FNBP1: variants seen among roughly 807,000 people sequenced by gnomAD.
FNBP1 encodes the protein formin binding protein 1.
Under a neutral mutation model 90.6 loss-of-function variants are expected in FNBP1, and 26 were observed. That is an observed-to-expected ratio of 0.29 (90% CI 0.21 to 0.40). FNBP1 has a LOEUF of 0.40. FNBP1 is among the 10% of genes least tolerant of loss of function. The pLI is 1.00. For missense variants in FNBP1, 635 were observed against 768.0 expected (o/e 0.83, Z 2.05); for synonymous variants, 260 against 265.2 (o/e 0.98, Z 0.19).
At chr9:129,983,987 T>G (rs1220963573) in intron 2 of FNBP1, among the ~76,000 whole-genome samples, 2 of 151,984 alleles carry the variant, frequency 1.3e-5, no homozygotes, top group East Asian at 3.9e-4. Context: ...AAAGAAAAAA[T>G]AAACATTCTT....
At chr9:130,034,312 C>CAAAAA (rs3055753) in intron 1 of FNBP1, among the ~76,000 whole-genome samples, 1 of 118,404 alleles carries the variant, frequency 8.4e-6, no homozygotes, top group African/African-American at 3.2e-5. Context: ...GACTCCATCT[C>CAAAAA]AAAAAAAAAA....
chr9:130,035,958 A>G (rs1471592462), intron 1 of FNBP1, among the ~76,000 whole-genome samples: 1 of 152,100 alleles, frequency 6.6e-6, no homozygotes, highest in African/African-American at 2.4e-5. Context: ...AAAAACAAAC[A>G]AACAAAAACT....
At chr9:130,039,873 A>C (rs1468958207) in intron 1 of FNBP1, among the ~76,000 whole-genome samples, 1 of 152,146 alleles carries the variant, frequency 6.6e-6, no homozygotes, top group Non-Finnish European at 1.5e-5. Context: ...CCTAAAATGT[A>C]TGTAAAATCT....
At position 129,957,034 on chromosome 9, in the gene FNBP1, T is replaced by C. The variant is rs2047048907; in HGVS notation, c.513+326A>G. Among the ~76,000 whole-genome samples, 1 of 90,508 alleles carries C rather than the reference T, an allele frequency of 1.1e-5. No individual in the cohort carries two copies. Among genetic ancestry groups the C allele is most frequent in the Non-Finnish European group, 2.1e-5 (1 of 47,744 alleles). The allele number at this position is 90,508 out of a possible 152,430, so 59.4% of individuals were successfully genotyped here. On this transcript the variant is annotated intron_variant, in intron 6 of 16. Coordinates refer to ENST00000446176, the MANE Select transcript of FNBP1 (RefSeq NM_015033.3). The surrounding 1 kb of genome is among the most constrained non-coding windows in gnomAD (Gnocchi z 4.3). ...GGAAATGAAAGACACACTTGAGCTT[T>C]CTTTTGTCTTTTTTTTTTTTTGGCG...
chr9:130,050,697 TA>T, the FNBP1 span, among the ~76,000 whole-genome samples: 1 of 150,612 alleles, frequency 6.6e-6, no homozygotes, highest in African/African-American at 2.4e-5. Context: ...CCAAGCTGGA[TA>T]AAAGTGTCAT....
In FNBP1 at chr9:129,916,616, C is replaced by CA. The variant is rs146793521; in HGVS notation, c.1171-637dup. Among the ~76,000 whole-genome samples, 1,178 of 119,364 alleles carry CA rather than the reference C, an allele frequency of 9.9e-3. 12 individuals are homozygous for CA. Among genetic ancestry groups the CA allele is most frequent in the African/African-American group, 0.028 (906 of 32,182 alleles). The allele number at this position is 119,364 out of a possible 152,430, so 78.3% of individuals were successfully genotyped here. A position where few individuals can be genotyped will look rare whatever the true frequency, so the allele number is the denominator to read the frequency against. On this transcript the variant is annotated intron_variant, in intron 10 of 16. Transcript: ENST00000446176. Reference sequence around the variant, plus strand: ...GGGCAACAAGAGTGAAACTCCATCTCAAAAAAAAAACAAAAAAAAAAGAAA... The same window carrying CA: ...GGGCAACAAGAGTGAAACTCCATCTCAAAAAAAAAAACAAAAAAAAAAGAAA...
chr9:129,968,890 G>C (rs1217886631), intron 4 of FNBP1, among the ~76,000 whole-genome samples: 1 of 152,106 alleles, frequency 6.6e-6, no homozygotes, highest in Non-Finnish European at 1.5e-5. Context: ...CCACCTGCAG[G>C]GAGAAGTTTT....
At chr9:129,974,332 A>G (rs969188537) in intron 4 of FNBP1, among the ~76,000 whole-genome samples, 1 of 152,054 alleles carries the variant, frequency 6.6e-6, no homozygotes, top group Non-Finnish European at 1.5e-5. Context: ...TCCAGGGTCC[A>G]TATCTTGGGT....
intron 7 of FNBP1, among the ~76,000 whole-genome samples, chr9:129,928,315 T>C (rs1374689715): frequency 6.6e-6 from 1 of 152,216 alleles, no homozygotes; most frequent in Non-Finnish European, 1.5e-5. Flanking sequence ...GGCATTTTTA[T>C]AACCACAATC....
In FNBP1 at chr9:129,890,214, G is replaced by GAA; in HGVS notation, c.*324_*325insTT. ...CGGAAGGGCTGCCAGGACGAGCCCGGGTGGACTGAGGGCCCAGGAAGGAGC... is the reference window on the plus strand; with the variant it reads ...CGGAAGGGCTGCCAGGACGAGCCCGGAAGTGGACTGAGGGCCCAGGAAGGAGC... On this transcript the variant is annotated 3_prime_UTR_variant, in exon 17 of 17. Transcript: ENST00000446176. The surrounding 1 kb of genome is among the most constrained non-coding windows in gnomAD (Gnocchi z 5.8). 1 of 463,502 alleles carries GAA rather than the reference G, an allele frequency of 2.2e-6. No individual in the cohort carries two copies. The highest frequency in any genetic ancestry group is 3.9e-6 in the Non-Finnish European group (1 of 259,650). The allele number at this position is 463,502 out of a possible 1,614,324, so 28.7% of individuals were successfully genotyped here.
the FNBP1 span, among the ~76,000 whole-genome samples, chr9:130,052,454 A>G: frequency 6.6e-6 from 1 of 151,920 alleles, no homozygotes; most frequent in Non-Finnish European, 1.5e-5. Flanking sequence ...TTTTATTGAG[A>G]CAGAGTCTCA....
In FNBP1 at chr9:129,983,089, T is replaced by C. The variant is rs1375638624; in HGVS notation, c.141-3715A>G. On this transcript the variant is annotated intron_variant, in intron 2 of 16. Coordinates refer to ENST00000446176, the MANE Select transcript of FNBP1 (RefSeq NM_015033.3). ...AAATGTTAAATCCACATTTTCTTTG[T>C]AGCCTCCTTTCAGTCCTTAGCAGCC... is the stretch of plus-strand genomic sequence containing the variant. 2.0e-5 allele frequency among the ~76,000 whole-genome samples: 3 copies of C among 152,240 alleles called. No homozygotes were observed. In the East Asian group the frequency reaches 5.8e-4, roughly 29 times the overall value.
intron 11 of FNBP1, among the ~76,000 whole-genome samples, chr9:129,910,504 A>AAAGAG (rs1298095363): frequency 1.2e-4 from 12 of 104,112 alleles, no homozygotes; most frequent in South Asian, 3.3e-4. Context: ...AAAAAAAAAA[A>AAAGAG]AGAGAGAGAG....
chr9:130,029,492 G>A (rs908279563), intron 1 of FNBP1, among the ~76,000 whole-genome samples: 1 of 152,142 alleles, frequency 6.6e-6, no homozygotes, highest in Non-Finnish European at 1.5e-5. Flanking sequence ...AAACCATAGA[G>A]AACAAAGAGT....
In FNBP1 at chr9:129,927,279, T is replaced by G; in HGVS notation, c.705A>C (p.Ala235=). The change falls in exon 8 of 17, where the codon GCA becomes GCC. Residue 235 remains alanine (A), a synonymous_variant. Transcript: ENST00000446176. ...TTGGGATCACCTGCCGATCAACCTC[T>G]GCATATGTCTTCATGGACTCTCCCA... ...VRMGESMKTY[A]EVDRQVIPII... 1.2e-6 allele frequency: 2 copies of G among 1,613,672 alleles called. No individual in the cohort carries two copies. Among genetic ancestry groups the G allele is most frequent in the East Asian group, 4.5e-5 (2 of 44,890 alleles).
chr9:130,030,384 G>A (rs181111034), intron 1 of FNBP1, among the ~76,000 whole-genome samples: 6 of 150,236 alleles, frequency 4.0e-5, no homozygotes, highest in Admixed American at 1.3e-4. Context: ...GCAGTGAGCC[G>A]AGATTGCACC....
At chr9:129,986,030 G>A (rs1212928098) in intron 2 of FNBP1, among the ~76,000 whole-genome samples, 2 of 149,862 alleles carry the variant, frequency 1.3e-5, no homozygotes, top group Non-Finnish European at 3.0e-5. Flanking sequence ...CAGCTACTTG[G>A]GAGGCTGAGG....
chr9:129,937,574 T>C (rs2043670702), intron 6 of FNBP1, among the ~76,000 whole-genome samples: 1 of 74,184 alleles, frequency 1.3e-5, no homozygotes, highest in Admixed American at 1.7e-4. Context: ...CTACTAAAAA[T>C]ACAAAAATTA....
rs546840083 is a variant in FNBP1, at chr9:129,983,587, G to A, written c.141-4213C>T. ...TGTAATCCCAGCACTTTGGGAGGCC[G>A]AGGCAGGTGGATCGGGAGTTCGAGA... On this transcript the variant is annotated intron_variant, in intron 2 of 16. Coordinates refer to ENST00000446176, the MANE Select transcript of FNBP1 (RefSeq NM_015033.3). 5.3e-5 allele frequency among the ~76,000 whole-genome samples: 8 copies of A among 152,242 alleles called. No homozygotes were observed. The South Asian group carries it at 8.3e-4, about 16-fold the overall frequency.
Sources: gnomAD v4.1 joint callset for allele counts (sites outside exome capture counted in the v4.1 genomes callset) on GRCh38, gnomAD v4.1.1 for gene constraint, Gnocchi (gnomAD v3.1) non-coding constraint, MANE v1.5 for transcripts, NCBI Gene and HGNC (gene_info 2026-07-23, HGNC 2026-07-21) for gene names.